The following AFF2 variants were observed in gnomAD, a reference collection of about 807,000 sequenced individuals.
The protein encoded by AFF2 is ALF transcription elongation factor 2, also known as AF4/FMR2 family member 2.
A neutral mutation model predicts 76.9 loss-of-function variants in AFF2; 14 were observed. The observed-to-expected ratio is 0.18, with a 90% CI of 0.12 to 0.28. The LOEUF is 0.28. Ranked by LOEUF, AFF2 falls within the 10% of genes least tolerant of loss-of-function variation. AFF2 has a pLI of 1.00. For synonymous variants in AFF2, 398 were observed against 366.7 expected (o/e 1.09, Z -0.98); for missense variants, 868 against 1,001.1 (o/e 0.87, Z 1.79).
intron 1 of AFF2, among the ~76,000 whole-genome samples, chrX:148,511,588 G>A (rs140286394): frequency 0.059 from 6,575 of 111,647 alleles, 208 homozygotes; most frequent in Non-Finnish European, 0.086. Context: ...AGGGAAAGAG[G>A]ATTAGCATTT....
chrX:148,524,123 CTGTGTGTGTGTGTG>C (rs59890095), intron 1 of AFF2, among the ~76,000 whole-genome samples: 125 of 83,461 alleles, frequency 1.5e-3, no homozygotes, highest in African/African-American at 5.8e-3. Context: ...CTCTCTCTCT[CTGTGTGTGTGTGTG>C]TGTGTGTGTG....
chrX:148,718,807 A>G (rs367797781), intron 3 of AFF2, among the ~76,000 whole-genome samples: 2 of 111,281 alleles, frequency 1.8e-5, no homozygotes, highest in African/African-American at 3.3e-5. Flanking sequence ...AGTGTTCTAT[A>G]CACACAGTAG....
intron 1 of AFF2, among the ~76,000 whole-genome samples, chrX:148,529,633 G>A (rs919972111): frequency 2.7e-5 from 3 of 111,568 alleles, no homozygotes; most frequent in Non-Finnish European, 3.8e-5. Context: ...TCTGATGTGC[G>A]CAGATTCTCC....
At chrX:148,638,485 T>G (rs782663274) in intron 1 of AFF2, among the ~76,000 whole-genome samples, 2 of 111,481 alleles carry the variant, frequency 1.8e-5, no homozygotes, top group Admixed American at 1.9e-4. Context: ...ACCAGGTCCT[T>G]CCCTTGACAC....
chrX:148,569,985 A>G (rs782005191), intron 1 of AFF2, among the ~76,000 whole-genome samples: 9 of 111,783 alleles, frequency 8.1e-5, no homozygotes, highest in Admixed American at 2.9e-4. Flanking sequence ...TGATTGATAT[A>G]TACTCATATC....
intron 12 of AFF2, among the ~76,000 whole-genome samples, chrX:148,962,461 G>A (rs1341451035): frequency 8.9e-6 from 1 of 111,888 alleles, no homozygotes; most frequent in Non-Finnish European, 1.9e-5. Context: ...ATTTGTCATG[G>A]AGTTCTGCTG....
At chrX:148,727,368 T>C (rs782814067) in intron 3 of AFF2, among the ~76,000 whole-genome samples, 1 of 112,076 alleles carries the variant, frequency 8.9e-6, no homozygotes, top group African/African-American at 3.2e-5. Flanking sequence ...CAGTTGTGCA[T>C]GTTGTATTTC....
chrX:148,931,168 C>T (rs1053146469), intron 9 of AFF2, among the ~76,000 whole-genome samples: 10 of 101,827 alleles, frequency 9.8e-5, no homozygotes, highest in African/African-American at 3.2e-4. Context: ...GCAGGAGAAC[C>T]GCTTGAACCT....
chrX:148,916,665 G>A (rs12848014), intron 9 of AFF2, among the ~76,000 whole-genome samples: 24,393 of 111,185 alleles, frequency 0.22, 2,595 homozygotes, highest in Non-Finnish European at 0.33. Flanking sequence ...AAGGCTTTGA[G>A]CAGGAATAAC....
rs541779003 is a variant in AFF2, at chrX:148,530,440, A to G, written c.47+29296A>G. Among the ~76,000 whole-genome samples, 61 of 112,174 alleles carry G rather than the reference A, an allele frequency of 5.4e-4. No homozygotes were observed. The South Asian group carries it at 0.022, about 41-fold the overall frequency. ...GTTGAATTAAAACATTTTCCAAGTTAGGTGACTTGGCAAGTGTTGCCTTGG... is the reference window on the plus strand; with the variant it reads ...GTTGAATTAAAACATTTTCCAAGTTGGGTGACTTGGCAAGTGTTGCCTTGG... On this transcript the variant is annotated intron_variant, in intron 1 of 20. Transcript: ENST00000370460.
intron 3 of AFF2, among the ~76,000 whole-genome samples, chrX:148,787,322 GTGTGTGTGTA>G (rs1416136669): frequency 7.2e-5 from 8 of 111,718 alleles, no homozygotes; most frequent in Admixed American, 5.7e-4. Context: ...CTGTGTGTGT[GTGTGTGTGTA>G]TGTGTGTGTA....
chrX:148,563,405 T>C (rs1603243352), intron 1 of AFF2, among the ~76,000 whole-genome samples: 1 of 111,605 alleles, frequency 9.0e-6, no homozygotes, highest in East Asian at 2.8e-4. Flanking sequence ...GCTGGGAGGC[T>C]GTCATTGCAG....
intron 19 of AFF2, among the ~76,000 whole-genome samples, chrX:148,982,413 C>T (rs2072406389): frequency 8.9e-6 from 1 of 111,981 alleles, no homozygotes; most frequent in African/African-American, 3.2e-5. Flanking sequence ...GCACACAGTC[C>T]AGTGGAAGGA....
chrX:148,798,152 G>A (rs1319282040), intron 3 of AFF2, among the ~76,000 whole-genome samples: 1 of 111,663 alleles, frequency 9.0e-6, no homozygotes, highest in Non-Finnish European at 1.9e-5. Flanking sequence ...GAAGTTGGAG[G>A]TTGGGGAGAG....
chrX:148,576,665 A>T (rs2053290334), intron 1 of AFF2, among the ~76,000 whole-genome samples: 1 of 110,833 alleles, frequency 9.0e-6, no homozygotes, highest in African/African-American at 3.3e-5. Flanking sequence ...ACATATTTGG[A>T]TTATAAGAAT....
chrX:148,549,703 A>G (rs1484607740), intron 1 of AFF2, among the ~76,000 whole-genome samples: 1 of 111,712 alleles, frequency 9.0e-6, no homozygotes, highest in African/African-American at 3.3e-5. Flanking sequence ...ATTAGTGCAT[A>G]AAGAAAACCA....
chrX:148,576,364 C>G (rs995148008), intron 1 of AFF2, among the ~76,000 whole-genome samples: 1 of 111,472 alleles, frequency 9.0e-6, no homozygotes, highest in Non-Finnish European at 1.9e-5. Context: ...ATAGGTCATA[C>G]AAAGATTGTG....
chrX:148,607,992 CT>C (rs782490757), intron 1 of AFF2, among the ~76,000 whole-genome samples: 2 of 111,806 alleles, frequency 1.8e-5, no homozygotes, highest in Admixed American at 1.9e-4. Flanking sequence ...TTCAGAACTG[CT>C]GCTAAAAGGG....
chrX:148,666,155 A>AT (rs1171340467), intron 3 of AFF2, among the ~76,000 whole-genome samples: 1 of 112,224 alleles, frequency 8.9e-6, no homozygotes, highest in Non-Finnish European at 1.9e-5. Flanking sequence ...GGAAATTTTT[A>AT]TTTTTTATCC....
Sources: allele counts gnomAD v4.1 joint callset (sites outside exome capture counted in the v4.1 genomes callset), GRCh38; gene constraint gnomAD v4.1.1; transcripts MANE v1.5; gene names NCBI Gene and HGNC (gene_info 2026-07-23, HGNC 2026-07-21).